The following STXBP5 variants were observed in gnomAD, a reference collection of about 807,000 sequenced individuals.
STXBP5 encodes the protein syntaxin-binding protein 5.
In STXBP5, 50 loss-of-function variants were observed where a neutral mutation model predicts 152.4. That is an observed-to-expected ratio of 0.33 (90% CI 0.26 to 0.42). The LOEUF is 0.42. STXBP5 is among the 10% of genes least tolerant of loss of function. The pLI, the probability that STXBP5 is intolerant of heterozygous loss-of-function variation, is 1.00. For synonymous variants in STXBP5, 492 were observed against 494.7 expected, an observed-to-expected ratio of 0.99 and a Z score of 0.07; for missense variants, 1,167 against 1,388.6, an observed-to-expected ratio of 0.84 and a Z score of 2.54.
chr6:147,311,348 A>C, intron 10 of STXBP5, 107 bp from the exon 11 acceptor site: 3 of 930,652 alleles, frequency 3.2e-6, no homozygotes, highest in Non-Finnish European at 5.0e-6. Context: ...TCAGAATGTT[A>C]AATACTCAAG....
At chr6:147,208,570 G>A (rs1035506542) in intron 2 of STXBP5, among the ~76,000 whole-genome samples, 1 of 151,900 alleles carries the variant, frequency 6.6e-6, no homozygotes, top group African/African-American at 2.4e-5. Context: ...TTCTCTTCTT[G>A]TATTAGACTC....
At chr6:147,333,386 T>C (rs1331195225) in intron 18 of STXBP5, among the ~76,000 whole-genome samples, 1 of 151,986 alleles carries the variant, frequency 6.6e-6, no homozygotes, top group Non-Finnish European at 1.5e-5. Context: ...TAGCCAGGCA[T>C]GGTGGGGCGC....
intron 2 of STXBP5, among the ~76,000 whole-genome samples, chr6:147,232,024 A>G (rs1778031144): frequency 6.6e-6 from 1 of 151,908 alleles, no homozygotes; most frequent in African/African-American, 2.4e-5. Context: ...CTTAAATAAT[A>G]ATGGATACCA....
chr6:147,211,898 A>G (rs1009370233), intron 2 of STXBP5, among the ~76,000 whole-genome samples: 4 of 152,108 alleles, frequency 2.6e-5, no homozygotes, highest in Admixed American at 2.6e-4. Context: ...ATTTTTGTTC[A>G]TAGCTACTTT....
chr6:147,383,243 A>C (rs1339678637), intron 27 of STXBP5, among the ~76,000 whole-genome samples: 1 of 152,048 alleles, frequency 6.6e-6, no homozygotes, highest in African/African-American at 2.4e-5. Flanking sequence ...GCTTTTGGTA[A>C]GCAAAGCTAC....
intron 7 of STXBP5, among the ~76,000 whole-genome samples, chr6:147,267,867 G>A (rs184227989): frequency 4.3e-4 from 66 of 152,142 alleles, no homozygotes; most frequent in African/African-American, 1.5e-3. Flanking sequence ...TTGAGGCCGA[G>A]ATCTGTTACT....
chr6:147,205,896 A>C (rs1776528324), intron 1 of STXBP5, 75 bp from the exon 2 acceptor site: 1 of 1,107,322 alleles, frequency 9.0e-7, no homozygotes, highest in East Asian at 2.4e-5. Context: ...CTAAATTCTA[A>C]CGCCTCTATT....
intron 4 of STXBP5, among the ~76,000 whole-genome samples, chr6:147,257,300 A>G (rs1779416885): frequency 6.6e-6 from 1 of 151,630 alleles, no homozygotes; most frequent in Non-Finnish European, 1.5e-5. Flanking sequence ...CTCTTGGTTC[A>G]GCTTATCCAT....
At chr6:147,284,936 G>A (rs976248965) in intron 8 of STXBP5, among the ~76,000 whole-genome samples, 3 of 152,166 alleles carry the variant, frequency 2.0e-5, no homozygotes, top group Admixed American at 6.5e-5. Flanking sequence ...CAGGTGGGCT[G>A]GAGGCAGAAG....
chr6:147,290,348 A>C (rs1374658784), intron 8 of STXBP5, among the ~76,000 whole-genome samples: 1 of 152,210 alleles, frequency 6.6e-6, no homozygotes, highest in Admixed American at 6.5e-5. Context: ...AAAGAGGGTA[A>C]GAGGTGTTAG....
chr6:147,237,700 C>T (rs1344097823), intron 3 of STXBP5, among the ~76,000 whole-genome samples: 1 of 152,072 alleles, frequency 6.6e-6, no homozygotes, highest in Non-Finnish European at 1.5e-5. Flanking sequence ...CTAGGGTAGC[C>T]CTCATAGAAT....
chr6:147,248,173 G>A lies in STXBP5; in HGVS notation c.431+8903G>A, dbSNP rs535102027. 5.3e-5 allele frequency among the ~76,000 whole-genome samples: 8 copies of A among 151,896 alleles called. No individual in the cohort carries two copies. The South Asian group carries it at 1.5e-3, about 28-fold the overall frequency. ...TGGGCACCTGTATTCCCAGCTACTC[G>A]GGAGCCTGAGGCAGGGAGAATTGCT... On this transcript the variant is annotated intron_variant, in intron 4 of 27. Transcript: ENST00000321680.
intron 16 of STXBP5, among the ~76,000 whole-genome samples, chr6:147,321,579 A>C (rs1782938223): frequency 6.6e-6 from 1 of 152,176 alleles, no homozygotes; most frequent in Non-Finnish European, 1.5e-5. Flanking sequence ...CTCTTAAAAA[A>C]AGAGGTAAAA....
intron 18 of STXBP5, chr6:147,328,778 T>G: frequency 2.1e-6 from 1 of 470,786 alleles, no homozygotes; most frequent in Non-Finnish European, 4.4e-6. Flanking sequence ...GTTCTTCTTT[T>G]TTAAGTAAGT....
rs544776310 is a variant in STXBP5 at position 147,322,113 on chromosome 6, G to A, written c.1803-2846G>A. Among the ~76,000 whole-genome samples the A allele has an allele frequency of 5.9e-4, 89 of 152,080 alleles. No individual in the cohort carries two copies. The Middle Eastern group carries it at 0.01, about 17-fold the overall frequency. On this transcript the variant is annotated intron_variant, in intron 16 of 27. Coordinates refer to ENST00000321680, the MANE Select transcript of STXBP5 (RefSeq NM_001127715.4). ...CTGGTTCTGCTCTTGAGAATTTGTC[G>A]TGCACATTTAATATGCCAGAGGGAG...
chr6:147,329,268 G>C (rs1783430303), intron 18 of STXBP5, among the ~76,000 whole-genome samples: 1 of 147,166 alleles, frequency 6.8e-6, no homozygotes, highest in Non-Finnish European at 1.5e-5. Flanking sequence ...ATTATTATTT[G>C]CTTTATTTTG....
intron 16 of STXBP5, among the ~76,000 whole-genome samples, chr6:147,322,301 T>A (rs566643517): frequency 6.6e-6 from 1 of 152,336 alleles, no homozygotes; most frequent in East Asian, 1.9e-4. Flanking sequence ...TGTAGCTGAT[T>A]AGTGGGTATT....
At chr6:147,301,125 G>A (rs1781792276) in intron 9 of STXBP5, among the ~76,000 whole-genome samples, 1 of 152,038 alleles carries the variant, frequency 6.6e-6, no homozygotes, top group African/African-American at 2.4e-5. Context: ...AGTTAGAATG[G>A]CAGTTATCAA....
At chr6:147,375,632 A>AAT (rs998106853) in intron 26 of STXBP5, among the ~76,000 whole-genome samples, 3 of 150,576 alleles carry the variant, frequency 2.0e-5, no homozygotes, top group Non-Finnish European at 4.4e-5. Flanking sequence ...TATAAATATA[A>AAT]ATATATATAT....
Sources: gnomAD v4.1 joint callset for allele counts (sites outside exome capture counted in the v4.1 genomes callset) on GRCh38, gnomAD v4.1.1 for gene constraint, MANE v1.5 for transcripts, NCBI Gene and HGNC (gene_info 2026-07-23, HGNC 2026-07-21) for gene names.